The following TMEM94 variants were observed in gnomAD, a reference collection of about 807,000 sequenced individuals.
TMEM94 encodes ER Mg2+ ATPase.
TMEM94 carries 81 observed loss-of-function variants against 158.6 expected under a neutral mutation model. The ratio of observed to expected loss-of-function variants is 0.51; its 90% CI spans 0.43 to 0.61. The LOEUF is 0.61. TMEM94 is among the 20% of genes least tolerant of loss of function. The pLI, the probability that TMEM94 is intolerant of heterozygous loss-of-function variation, is 0.00. For missense variants in TMEM94, 1,435 were observed against 1,762.0 expected, an observed-to-expected ratio of 0.81 and a Z score of 3.32; for synonymous variants, 751 against 730.7, an observed-to-expected ratio of 1.03 and a Z score of -0.45.
At chr17:75,462,880 G>A (rs1598301306) in intron 1 of TMEM94, among the ~76,000 whole-genome samples, 1 of 146,470 alleles carries the variant, frequency 6.8e-6, no homozygotes, top group African/African-American at 2.6e-5. Flanking sequence ...CCAGCTACTC[G>A]GGTGGCTGAA....
chr17:75,477,124 G>T (rs926969315), intron 2 of TMEM94, among the ~76,000 whole-genome samples: 2 of 152,154 alleles, frequency 1.3e-5, no homozygotes, highest in Non-Finnish European at 2.9e-5. Flanking sequence ...GACCATGTGG[G>T]GAACTAAGAC....
chr17:75,476,470 G>C (rs985379738), intron 2 of TMEM94: 48 of 1,379,722 alleles, frequency 3.5e-5, no homozygotes, highest in Non-Finnish European at 4.4e-5. Context: ...CTCCCTCCCT[G>C]AATCTGCAGC....
In TMEM94 at chr17:75,491,108, G is replaced by A. The variant is rs142602580; in HGVS notation, c.1188G>A (p.Thr396=). The A allele has an allele frequency of 9.3e-6, 15 of 1,613,416 alleles. No homozygotes were observed. Among genetic ancestry groups the A allele is most frequent in the South Asian group, 2.2e-5 (2 of 91,014 alleles). Residue 396 remains threonine (T), a synonymous_variant, in exon 12 of 32, where the codon ACG becomes ACA. Coordinates refer to ENST00000314256, the MANE Select transcript of TMEM94 (RefSeq NM_014738.6). This position sits in a 1 kb window ranked among gnomAD's most constrained non-coding sequence, Gnocchi z 5.1. ...GGGTGCTCGGGGGGACATCGCCAAC[G>A]CTGAGCCACAGTTCCAGCCTGCTGC... ...FLRVLGGTSP[T]LSHSSSLLHS...
chr17:75,476,902 G>A (rs966694368), intron 2 of TMEM94, among the ~76,000 whole-genome samples: 2 of 152,222 alleles, frequency 1.3e-5, no homozygotes, highest in African/African-American at 4.8e-5. Flanking sequence ...CTGGGAAGGG[G>A]ATTGGGAATG....
At chr17:75,478,208 G>A (rs1367111953) in intron 2 of TMEM94, among the ~76,000 whole-genome samples, 10 of 141,190 alleles carry the variant, frequency 7.1e-5, no homozygotes, top group East Asian at 4.2e-4. Context: ...TAGTAGAGAC[G>A]GGGTTTCACC....
chr17:75,470,831 A>G (rs937191013), intron 1 of TMEM94, among the ~76,000 whole-genome samples: 1 of 151,786 alleles, frequency 6.6e-6, no homozygotes, highest in African/African-American at 2.4e-5. Flanking sequence ...AGACAGGAGA[A>G]TCACTTGAGC....
At position 75,496,365 on chromosome 17, in the gene TMEM94, C is replaced by T. The variant is rs374957706; in HGVS notation, c.3137C>T (p.Ser1046Leu). Residue 1046 changes from serine to leucine, a missense_variant, in exon 24 of 32, where the codon TCG becomes TTG. By Grantham distance (145) the Ser-to-Leu change is moderately radical (BLOSUM62 -2). Transcript: ENST00000314256. ...YATSISMAQA[S>L]DGLSPLQLSG... ...ACCAGCATCAGCATGGCCCAGGCCTCGGATGGCCTTTCTCCCCTGCAGCTG... is the reference window on the plus strand; with the variant it reads ...ACCAGCATCAGCATGGCCCAGGCCTTGGATGGCCTTTCTCCCCTGCAGCTG... The T allele has an allele frequency of 3.2e-5, 52 of 1,613,980 alleles. No individual in the cohort carries two copies. The African/African-American group carries it at 4.3e-4, about 13-fold the overall frequency.
At chr17:75,465,654 TTTATATATA>T (rs1456180573) in intron 1 of TMEM94, among the ~76,000 whole-genome samples, 1 of 68,364 alleles carries the variant, frequency 1.5e-5, no homozygotes. Context: ...TATAAGAATT[TTTATATATA>T]TATATATATA....
chr17:75,459,882 G>A (rs148600458), intron 1 of TMEM94: 4 of 152,102 alleles, frequency 2.6e-5, no homozygotes, highest in South Asian at 2.1e-4. Flanking sequence ...TTTAAAGCCC[G>A]TTTCCAAGCA....
chr17:75,492,828 G>T lies in TMEM94; in HGVS notation c.1912+39G>T. ...TGGCAGGGGATGGCTGGCTGGACCC[G>T]CCTCCTAGAAGAGGCCCAGTACCAA... On this transcript the variant is annotated intron_variant, in intron 15 of 31. Coordinates refer to ENST00000314256, the MANE Select transcript of TMEM94 (RefSeq NM_014738.6). This position sits in a 1 kb window ranked among gnomAD's most constrained non-coding sequence, Gnocchi z 4.4. 6.3e-7 allele frequency: 1 copy of T among 1,585,192 alleles called. No individual in the cohort carries two copies.
Position 75,496,425 on chromosome 17 carries a change from C to A in TMEM94, c.3197C>A (p.Thr1066Asn). The A allele has an allele frequency of 1.2e-6, 2 of 1,613,710 alleles. No homozygotes were observed. Among genetic ancestry groups the A allele is most frequent in the Non-Finnish European group, 1.7e-6 (2 of 1,179,986 alleles). ...GQLNSLPCSLTFRQEETISII... is the reference protein window; with the variant it reads ...GQLNSLPCSLNFRQEETISII... ...CTCAACAGCCTGCCCTGTTCCCTGA[C>A]CTTTCGCCAGGAGGAGACCATCAGC... is the stretch of plus-strand genomic sequence containing the variant. The change falls in exon 24 of 32, where the codon ACC becomes AAC. Residue 1066 changes from threonine (T) to asparagine (N), a missense_variant. Transcript: ENST00000314256.
At chr17:75,480,809 T>G (rs955819266) in intron 2 of TMEM94, among the ~76,000 whole-genome samples, 4 of 152,310 alleles carry the variant, frequency 2.6e-5, no homozygotes, top group Non-Finnish European at 2.9e-5. Flanking sequence ...ATCTCTTGGG[T>G]GGACAGCCTT....
At position 75,488,802 on chromosome 17, in the gene TMEM94, C is replaced by A. The variant is rs369687856; in HGVS notation, c.656C>A (p.Pro219His). 39 of 1,613,552 alleles carry A rather than the reference C, an allele frequency of 2.4e-5. No individual in the cohort carries two copies. Among genetic ancestry groups the A allele is most frequent in the Admixed American group, 1.7e-4 (10 of 59,922 alleles). Residue 219 changes from proline (P) to histidine (H), a missense_variant, in exon 7 of 32, where the codon CCC (proline) becomes CAC (histidine). Transcript: ENST00000314256. ...IVLEPGDLFP[P>H]FSPPPSPRGE... ...CTGGAGCCGGGAGACCTCTTCCCCC[C>A]CTTCTCCCCTCCACCCTCACCCCGG...
chr17:75,492,780 C>G lies in TMEM94; in HGVS notation c.1903C>G (p.Arg635Gly). 6.2e-7 allele frequency: 1 copy of G among 1,605,264 alleles called. No individual in the cohort carries two copies. The highest frequency in any genetic ancestry group is 8.5e-7 in the Non-Finnish European group (1 of 1,178,596). ...GCCCTGGGGCCTCTGCGAGCTTGCC[C>G]GCCTCATTGGTACAGGTCCCCATGG... Reference protein sequence around the residue: ...HVPWGLCELARLIGFTPGAKE... With the variant: ...HVPWGLCELAGLIGFTPGAKE... The change falls in exon 15 of 32, where the codon CGC becomes GGC. Residue 635 changes from arginine to glycine, a missense_variant. Arg to Gly is a moderately radical substitution (Grantham distance 125). Coordinates refer to ENST00000314256, the MANE Select transcript of TMEM94 (RefSeq NM_014738.6). The surrounding 1 kb of genome is among the most constrained non-coding windows in gnomAD (Gnocchi z 4.4).
chr17:75,493,051 C>G lies in TMEM94; in HGVS notation c.2035C>G (p.Arg679Gly). The change falls in exon 16 of 32, where the codon CGG becomes GGG. Residue 679 changes from arginine (R) to glycine (G), a missense_variant. Arg to Gly is a moderately radical substitution (Grantham distance 125). Transcript: ENST00000314256. ...LGRLSCVTKRRPPLSHMISLF... is the reference protein window; with the variant it reads ...LGRLSCVTKRGPPLSHMISLF... ...GCGGCTCTCCTGTGTCACCAAGCGGCGGCCTCCCCTCAGCCACATGATCAG... is the reference window on the plus strand; with the variant it reads ...GCGGCTCTCCTGTGTCACCAAGCGGGGGCCTCCCCTCAGCCACATGATCAG... The G allele has an allele frequency of 4.3e-6, 7 of 1,613,470 alleles. No individual in the cohort carries two copies. Among genetic ancestry groups the G allele is most frequent in the Non-Finnish European group, 5.9e-6 (7 of 1,180,028 alleles).
rs1375747032 is a variant in TMEM94, at chr17:75,485,873, G to A, written c.147G>A (p.Glu49=). ...CCCTCCCTGTCCGAACTTCCCAGGA[G>A]GTGTGGAGAAGCAGCTTCCTCCACC... ...RERKKCLTWK[E]VWRSSFLHHS... The change falls in exon 4 of 32, where the codon GAG becomes GAA. Residue 49 remains glutamate, a splice_region_variant and synonymous_variant. Coordinates refer to ENST00000314256, the MANE Select transcript of TMEM94 (RefSeq NM_014738.6). This position sits in a 1 kb window ranked among gnomAD's most constrained non-coding sequence, Gnocchi z 5.5. 1.9e-6 allele frequency: 3 copies of A among 1,611,134 alleles called. No homozygotes were observed. Among genetic ancestry groups the A allele is most frequent in the South Asian group, 2.2e-5 (2 of 90,566 alleles).
At chr17:75,486,186 C>T in intron 4 of TMEM94, 104 bp from the exon 5 acceptor site, 1 of 1,538,952 alleles carries the variant, frequency 6.5e-7, no homozygotes, top group African/African-American at 1.4e-5. Context: ...ACGGGACAGT[C>T]TTTCCACAAG....
At position 75,476,625 on chromosome 17, in the gene TMEM94, T is replaced by A. The variant is rs78712932; in HGVS notation, c.24+4696T>A. 1.3e-3 allele frequency: 2,012 copies of A among 1,530,802 alleles called. 26 individuals are homozygous for A. The East Asian group carries it at 0.032, about 25-fold the overall frequency. The allele number at this position is 1,530,802 out of a possible 1,614,324, so 94.8% of individuals were successfully genotyped here. On this transcript the variant is annotated intron_variant, in intron 2 of 31. Transcript: ENST00000314256. ...CTTCTCTCTCTCTCTCTTTTCACCC[T>A]CCCCGCTTTGAGGGAGGTGTTGGAA...
intron 1 of TMEM94, among the ~76,000 whole-genome samples, 170 bp from the exon 2 acceptor site, chr17:75,471,630 C>G (rs1362919468): frequency 6.6e-6 from 1 of 151,726 alleles, no homozygotes; most frequent in Non-Finnish European, 1.5e-5. Context: ...AAGAGAATCG[C>G]TTGAACCCAG....
Sources: gnomAD v4.1 joint callset for allele counts (sites outside exome capture counted in the v4.1 genomes callset) on GRCh38, gnomAD v4.1.1 for gene constraint, Gnocchi (gnomAD v3.1) non-coding constraint, MANE v1.5 for transcripts, NCBI Gene and HGNC (gene_info 2026-07-23, HGNC 2026-07-21) for gene names.